The following HHIPL2 variants were observed in gnomAD, a reference collection of about 807,000 sequenced individuals.
HHIPL2 encodes HHIP-like protein 2.
Under a neutral mutation model 61.0 loss-of-function variants are expected in HHIPL2, and 61 were observed. That is an observed-to-expected ratio of 1.00 (90% CI 0.81 to 1.24). HHIPL2 has a LOEUF of 1.24. Among genes scored for constraint, HHIPL2 ranks in the 50% most tolerant of loss-of-function variants. The pLI is 0.00. For synonymous variants in HHIPL2, 343 were observed against 357.4 expected (o/e 0.96, Z 0.45); for missense variants, 885 against 910.2 (o/e 0.97, Z 0.36).
At position 222,543,974 on chromosome 1, in the gene HHIPL2, A is replaced by G. The variant is rs368972116; in HGVS notation, c.537T>C (p.Tyr179=). Residue 179 remains tyrosine (Y), a synonymous_variant, in exon 2 of 9, where the codon TAT becomes TAC. Transcript: ENST00000343410. ...CHLLDLPDKD[Y]CFPNVLRNDY... ...CGTTCCTCAGGACATTAGGGAAGCA[A>G]TAGTCCTTGTCAGGAAGGTCCAGGA... is the stretch of plus-strand genomic sequence containing the variant. 12 of 1,614,030 alleles carry G rather than the reference A, an allele frequency of 7.4e-6. No homozygotes were observed. The African/African-American group carries it at 1.3e-4, about 18-fold the overall frequency.
rs1378519349 is a variant in HHIPL2 at position 222,538,415 on chromosome 1, G to GAGAGAGAT, written c.1577+232_1577+233insATCTCTCT. Among the ~76,000 whole-genome samples, 10 of 119,674 alleles carry GAGAGAGAT rather than the reference G, an allele frequency of 8.4e-5. No homozygotes were observed. The East Asian group carries it at 8.8e-4, about 10-fold the overall frequency. The allele number at this position is 119,674 out of a possible 152,430, so 78.5% of individuals were successfully genotyped here. A position where few individuals can be genotyped will look rare whatever the true frequency, so the allele number is the denominator to read the frequency against. On this transcript the variant is annotated intron_variant, in intron 5 of 8. Transcript: ENST00000343410. The stretch of plus-strand genomic sequence containing the variant: ...CCTTTAAAGTGAGCCCCTGGTATGA[G>GAGAGAGAT]AGAGAGACAGAGAGAGAGAGAGAGA...
At chr1:222,533,201 C>G (rs1459645983) in intron 5 of HHIPL2, among the ~76,000 whole-genome samples, 1 of 151,848 alleles carries the variant, frequency 6.6e-6, no homozygotes, top group Admixed American at 6.6e-5. Flanking sequence ...CCCATCTCTA[C>G]CGAAAATACA....
At position 222,548,059 on chromosome 1, in the gene HHIPL2, C is replaced by A. The variant is rs745514540; in HGVS notation, c.-15G>T. The A allele has an allele frequency of 3.6e-5, 56 of 1,534,526 alleles. No homozygotes were observed. Among genetic ancestry groups the A allele is most frequent in the Non-Finnish European group, 4.7e-5 (54 of 1,136,946 alleles). On this transcript the variant is annotated 5_prime_UTR_variant, in exon 1 of 9. Transcript: ENST00000343410. ...GTTCTCAGCATTTTGGCCTTGGGAA[C>A]ACTCGGGCTGCTGTGTTTGCTCAGG...
intron 7 of HHIPL2, chr1:222,524,014 A>T (rs1368553879): frequency 9.4e-6 from 3 of 318,246 alleles, no homozygotes; most frequent in Non-Finnish European, 1.8e-5. Flanking sequence ...CACATCTATC[A>T]AATGCAAAAA....
rs771560175 is a variant in HHIPL2 at position 222,522,735 on chromosome 1, C to T, written c.2041G>A (p.Gly681Arg). Residue 681 changes from glycine to arginine, a missense_variant, in exon 9 of 9, where the codon GGG becomes AGG. Transcript: ENST00000343410. ...CTGGCTTTCTTCTTTGTACCAGGCC[C>T]TCGCAATGTATTCTTGCTGCTTGTA... ...SPTSSKNTLR[G>R]PGTKKKARVG... is the part of the protein sequence containing the mutation. The T allele has an allele frequency of 7.4e-6, 12 of 1,614,042 alleles. No homozygotes were observed. The Admixed American group carries it at 2.0e-4, about 27-fold the overall frequency.
intron 5 of HHIPL2, among the ~76,000 whole-genome samples, chr1:222,538,195 G>GGGGTGTGTGTGTGTGTGTGTGTGT (rs1356240657): frequency 7.3e-6 from 1 of 136,274 alleles, no homozygotes; most frequent in Admixed American, 7.5e-5. Context: ...CTCTGGCTGG[G>GGGGTGTGTGTGTGTGTGTGTGTGT]GTGTGTGTGT....
At chr1:222,546,629 GC>G (rs1659561549) in intron 1 of HHIPL2, among the ~76,000 whole-genome samples, 1 of 152,206 alleles carries the variant, frequency 6.6e-6, no homozygotes. Flanking sequence ...TAAAAGCTCA[GC>G]TTCTACCCTA....
In HHIPL2 at chr1:222,531,961, G is replaced by A; in HGVS notation, c.1723+5C>T. 2 of 1,600,648 alleles carry A rather than the reference G, an allele frequency of 1.2e-6. No individual in the cohort carries two copies. The highest frequency in any genetic ancestry group is 2.7e-5 in the African/African-American group (2 of 74,656). Reference sequence around the variant, plus strand: ...AGAAATCAAACAACTCTGTACATTTGTTACCTGCTTCATCTTCAGCAAAGG... The same window carrying A: ...AGAAATCAAACAACTCTGTACATTTATTACCTGCTTCATCTTCAGCAAAGG... On this transcript the variant is annotated splice_donor_5th_base_variant and intron_variant, in intron 6 of 8. Coordinates refer to ENST00000343410, the MANE Select transcript of HHIPL2 (RefSeq NM_024746.4).
intron 5 of HHIPL2, among the ~76,000 whole-genome samples, chr1:222,534,438 G>T (rs1008302277): frequency 6.6e-6 from 1 of 152,072 alleles, no homozygotes; most frequent in Non-Finnish European, 1.5e-5. Context: ...TTAGCTGGGC[G>T]TGGTGGCGGA....
At chr1:222,540,501 G>T (rs968135843) in intron 3 of HHIPL2, among the ~76,000 whole-genome samples, 160 bp from the exon 4 acceptor site, 1 of 152,072 alleles carries the variant, frequency 6.6e-6, no homozygotes, top group African/African-American at 2.4e-5. Flanking sequence ...TTTTGTACCC[G>T]CAAGTATGAG....
intron 5 of HHIPL2, among the ~76,000 whole-genome samples, chr1:222,534,933 T>C (rs1659269966): frequency 6.6e-6 from 1 of 152,150 alleles, no homozygotes; most frequent in Non-Finnish European, 1.5e-5. Flanking sequence ...GCCAAAAATG[T>C]TCCATATTTC....
At chr1:222,538,959 T>C (rs1485432378) in intron 4 of HHIPL2, 185 bp from the exon 5 acceptor site, 2 of 550,320 alleles carry the variant, frequency 3.6e-6, no homozygotes, top group African/African-American at 3.8e-5. Context: ...CCACAATATT[T>C]GCAAACTTCC....
chr1:222,547,578 T>C, intron 1 of HHIPL2, 146 bp downstream of exon 1: 1 of 653,900 alleles, frequency 1.5e-6, no homozygotes, highest in Non-Finnish European at 2.6e-6. Context: ...CATGTCAGTG[T>C]GCGTGTCCAA....
chr1:222,537,500 A>G (rs186073557), intron 5 of HHIPL2, among the ~76,000 whole-genome samples: 5,385 of 151,664 alleles, frequency 0.036, 131 homozygotes, highest in Middle Eastern at 0.052. Context: ...GCGTGGTGGC[A>G]GGCGCCTGTA....
chr1:222,538,919 G>T, intron 4 of HHIPL2, 145 bp from the exon 5 acceptor site: 2 of 726,748 alleles, frequency 2.8e-6, no homozygotes, highest in East Asian at 2.7e-5. Flanking sequence ...GCAAGCAAGT[G>T]AATCATGTTT....
intron 5 of HHIPL2, 113 bp from the exon 6 acceptor site, chr1:222,532,224 G>A: frequency 1.1e-6 from 1 of 888,592 alleles, no homozygotes; most frequent in East Asian, 2.7e-5. Flanking sequence ...CCCATTAAGA[G>A]ATCAATAACT....
chr1:222,538,882 T>G, intron 4 of HHIPL2, 108 bp from the exon 5 acceptor site: 1 of 1,140,724 alleles, frequency 8.8e-7, no homozygotes, highest in Non-Finnish European at 1.3e-6. Context: ...TAAAGAACAC[T>G]TTACCTCTTG....
chr1:222,541,893 C>T, intron 3 of HHIPL2, 119 bp downstream of exon 3: 1 of 1,025,946 alleles, frequency 9.7e-7, no homozygotes, highest in Admixed American at 2.9e-5. Flanking sequence ...CCTCCCATTG[C>T]CTCAGTGGAG....
chr1:222,540,162 G>T lies in HHIPL2; in HGVS notation c.1298C>A (p.Thr433Lys), dbSNP rs141652728. 5.0e-6 allele frequency: 8 copies of T among 1,614,250 alleles called. No homozygotes were observed. The South Asian group carries it at 5.5e-5, about 11-fold the overall frequency. The change falls in exon 4 of 9, where the codon ACG (threonine) becomes AAG (lysine). Residue 433 changes from threonine to lysine, a missense_variant. By Grantham distance (78) the Thr-to-Lys change is moderately conservative. Transcript: ENST00000343410. Reference protein sequence around the residue: ...RCAVDRGDPITRQGRGRIFCG... With the variant: ...RCAVDRGDPIKRQGRGRIFCG... ...GAATATCCGGCCTCGGCCCTGGCGC[G>T]TGATGGGGTCCCCTCGGTCCACAGC...
Sources: allele counts gnomAD v4.1 joint callset (sites outside exome capture counted in the v4.1 genomes callset), GRCh38; gene constraint gnomAD v4.1.1; transcripts MANE v1.5; gene names NCBI Gene and HGNC (gene_info 2026-07-23, HGNC 2026-07-21).